Variants in USP49 observed in about 807,000 individuals in gnomAD.
USP49 encodes the protein ubiquitin specific peptidase 49, also known as ubiquitin carboxyl-terminal hydrolase 49.
In USP49, 24 loss-of-function variants were observed where a neutral mutation model predicts 58.6. That is an observed-to-expected ratio of 0.41 (90% CI 0.30 to 0.58). The LOEUF (loss-of-function observed/expected upper bound fraction) is 0.58. Among genes scored for constraint, USP49 ranks in the 20% least tolerant of loss-of-function variants. The pLI is 0.30. For missense variants in USP49, 703 were observed against 866.1 expected, an observed-to-expected ratio of 0.81 and a Z score of 2.36; for synonymous variants, 408 against 365.1, an observed-to-expected ratio of 1.12 and a Z score of -1.34.
rs1386399949 is a variant in USP49 at position 41,806,377 on chromosome 6, T to C, written c.607A>G (p.Thr203Ala). ...AGCCGTGCACTCTTGCGCGGAGGGG[T>C]GCTGGCCAGCTCCTCCAGCAGCCGC... ...KRRLLEELAS[T>A]PPRKSARLLL... The change falls in exon 4 of 8, where the codon ACC (threonine) becomes GCC (alanine). Residue 203 changes from threonine (T) to alanine (A), a missense_variant. By Grantham distance (58) the Thr-to-Ala change is moderately conservative. This residue lies in a region of USP49 where 376 missense variants were observed against 373.5 expected (regional missense o/e 1.01). Transcript: ENST00000682992. This position sits in a 1 kb window ranked among gnomAD's most constrained non-coding sequence, Gnocchi z 5.9. The C allele has an allele frequency of 6.5e-7, 1 of 1,544,098 alleles. No homozygotes were observed. The highest frequency in any genetic ancestry group is 8.7e-7 in the Non-Finnish European group (1 of 1,155,252).
At chr6:41,883,723 C>T (rs903106769) in intron 2 of USP49, among the ~76,000 whole-genome samples, 29 of 152,004 alleles carry the variant, frequency 1.9e-4, no homozygotes, top group Admixed American at 7.2e-4. Context: ...TTGGGAGGGG[C>T]GGTTATAGGA....
chr6:41,845,193 G>A (rs1773901336), intron 3 of USP49, among the ~76,000 whole-genome samples: 2 of 151,976 alleles, frequency 1.3e-5, no homozygotes, highest in South Asian at 2.1e-4. Flanking sequence ...GAGCCACCGC[G>A]CACAGGCTTT....
At chr6:41,844,312 T>G (rs1773882603) in intron 3 of USP49, among the ~76,000 whole-genome samples, 1 of 152,090 alleles carries the variant, frequency 6.6e-6, no homozygotes, top group Non-Finnish European at 1.5e-5. Context: ...TGTTGCAGTT[T>G]CTTTCTTTTT....
intron 3 of USP49, among the ~76,000 whole-genome samples, chr6:41,850,794 G>C (rs910526458): frequency 2.0e-5 from 3 of 151,868 alleles, no homozygotes; most frequent in African/African-American, 4.8e-5. Flanking sequence ...GTAGAGATGC[G>C]GTTTCACCAT....
intron 3 of USP49, among the ~76,000 whole-genome samples, chr6:41,831,485 CAGG>C (rs1351935365): frequency 6.6e-6 from 1 of 150,640 alleles, no homozygotes; most frequent in South Asian, 2.1e-4. Flanking sequence ...GAGTCTGAAG[CAGG>C]AGAATTGCTT....
chr6:41,854,316 CA>C (rs565189473), intron 3 of USP49, among the ~76,000 whole-genome samples: 40,542 of 90,954 alleles, frequency 0.45, 4,984 homozygotes, highest in Middle Eastern at 0.52. Context: ...GACTCTGTCT[CA>C]AAAAAAAAAA....
intron 3 of USP49, among the ~76,000 whole-genome samples, chr6:41,831,317 G>T (rs557603522): frequency 5.9e-5 from 9 of 152,174 alleles, no homozygotes; most frequent in Middle Eastern, 6.8e-3. Flanking sequence ...TTGAACCCAG[G>T]GGGTGGAGGT....
chr6:41,889,069 G>A (rs924767312), intron 2 of USP49, among the ~76,000 whole-genome samples: 3 of 150,282 alleles, frequency 2.0e-5, no homozygotes, highest in Non-Finnish European at 4.4e-5. Flanking sequence ...GTCTCGCTCT[G>A]TTGACGAGGC....
intron 6 of USP49, among the ~76,000 whole-genome samples, chr6:41,799,464 G>A (rs1480234068): frequency 2.0e-5 from 3 of 152,150 alleles, no homozygotes; most frequent in Non-Finnish European, 4.4e-5. Flanking sequence ...CCCTAAACAA[G>A]CAATTCAAGC....
chr6:41,842,654 A>G (rs1015283126), intron 3 of USP49, among the ~76,000 whole-genome samples: 1 of 152,060 alleles, frequency 6.6e-6, no homozygotes, highest in Non-Finnish European at 1.5e-5. Flanking sequence ...CACAGCTATT[A>G]ATTATGAGGT....
At chr6:41,870,203 A>G (rs1422614510) in intron 3 of USP49, among the ~76,000 whole-genome samples, 1 of 152,222 alleles carries the variant, frequency 6.6e-6, no homozygotes, top group Non-Finnish European at 1.5e-5. Flanking sequence ...CAAGTTTTTT[A>G]TATGGATTAA....
In USP49 at chr6:41,834,062, C is replaced by T. The variant is rs148211841; in HGVS notation, c.-28-27051G>A. On this transcript the variant is annotated intron_variant, in intron 3 of 7. Coordinates refer to ENST00000682992, the MANE Select transcript of USP49 (RefSeq NM_001286554.2). ...CTAAGAACATTGAAACATGCACGCC[C>T]ATCACTAGGAAGAAATCAAAGTAGG... Among the ~76,000 whole-genome samples the T allele has an allele frequency of 6.1e-3, 927 of 152,296 alleles. 5 individuals are homozygous for T. The highest frequency in any genetic ancestry group is 0.014 in the Middle Eastern group (4 of 294).
At chr6:41,852,713 C>A (rs1298860340) in intron 3 of USP49, among the ~76,000 whole-genome samples, 1 of 152,064 alleles carries the variant, frequency 6.6e-6, no homozygotes, top group Non-Finnish European at 1.5e-5. Flanking sequence ...TTCTGAAATA[C>A]AAAAATTAAT....
At chr6:41,798,690 G>T in intron 7 of USP49, 34 bp downstream of exon 7, 1 of 1,601,288 alleles carries the variant, frequency 6.2e-7, no homozygotes, top group Non-Finnish European at 8.6e-7. Context: ...ACCCCTTTCC[G>T]TGTCCCCCAC....
chr6:41,868,541 T>A (rs1337199249), intron 3 of USP49: 1 of 152,062 alleles, frequency 6.6e-6, no homozygotes. Context: ...GTTGGTCAGG[T>A]TGGTCTCGAA....
intron 3 of USP49, among the ~76,000 whole-genome samples, chr6:41,821,013 ATAAG>A (rs1490134729): frequency 1.3e-5 from 2 of 152,230 alleles, no homozygotes; most frequent in Non-Finnish European, 2.9e-5. Flanking sequence ...AAATAAATAA[ATAAG>A]TAAATAAATA....
Position 41,815,437 on chromosome 6 carries a change from T to C in USP49, c.-28-8426A>G, listed in dbSNP as rs867877324. Among the ~76,000 whole-genome samples, 409 of 138,642 alleles carry C rather than the reference T, an allele frequency of 3.0e-3. 2 individuals are homozygous for C. The highest frequency in any genetic ancestry group is 0.01 in the African/African-American group (393 of 37,496). The allele number at this position is 138,642 out of a possible 152,430, so 91.0% of individuals were successfully genotyped here. A position where few individuals can be genotyped will look rare whatever the true frequency, so the allele number is the denominator to read the frequency against. On this transcript the variant is annotated intron_variant, in intron 3 of 7. Transcript: ENST00000682992. Reference sequence around the variant, plus strand: ...CTCCGTCTCAAAAAAAAAAAAAGAGTGGGGGGCAGAGACTGAGAAGGGTAG... The same window carrying C: ...CTCCGTCTCAAAAAAAAAAAAAGAGCGGGGGGCAGAGACTGAGAAGGGTAG...
chr6:41,806,918 C>T lies in USP49; in HGVS notation c.66G>A (p.Gln22=), dbSNP rs1324269228. 6.2e-7 allele frequency: 1 copy of T among 1,613,636 alleles called. No homozygotes were observed. Among genetic ancestry groups the T allele is most frequent in the South Asian group, 1.1e-5 (1 of 91,070 alleles). ...LAQDHSILNP[Q]KWCCLECATT... ...TGGCACACTCTAAGCAGCACCACTT[C>T]TGAGGGTTCAGGATGGAGTGGTCCT... The change falls in exon 4 of 8, where the codon CAG becomes CAA. Residue 22 remains glutamine (Q), a synonymous_variant. Coordinates refer to ENST00000682992, the MANE Select transcript of USP49 (RefSeq NM_001286554.2). This position sits in a 1 kb window ranked among gnomAD's most constrained non-coding sequence, Gnocchi z 5.9.
intron 3 of USP49, among the ~76,000 whole-genome samples, chr6:41,839,120 A>C (rs753622842): frequency 6.6e-6 from 1 of 152,116 alleles, no homozygotes; most frequent in Non-Finnish European, 1.5e-5. Context: ...AAAAAGTCTG[A>C]AAGAGTCCTG....
Sources: gnomAD v4.1 joint callset for allele counts (sites outside exome capture counted in the v4.1 genomes callset) on GRCh38, gnomAD v4.1.1 for gene constraint, gnomAD v4.1.1 regional missense constraint, Gnocchi (gnomAD v3.1) non-coding constraint, MANE v1.5 for transcripts, NCBI Gene and HGNC (gene_info 2026-07-23, HGNC 2026-07-21) for gene names.